ANKRD44: variants seen among roughly 807,000 people sequenced by gnomAD.
ANKRD44 encodes the protein serine/threonine-protein phosphatase 6 regulatory ankyrin repeat subunit B.
A neutral mutation model predicts 116.0 loss-of-function variants in ANKRD44; 35 were observed. That is an observed-to-expected ratio of 0.30 (90% CI 0.23 to 0.40). ANKRD44 has a LOEUF of 0.40. ANKRD44 is among the 10% of genes least tolerant of loss of function. The pLI is 1.00. For missense variants in ANKRD44, 1,014 were observed against 1,242.6 expected (o/e 0.82, Z 2.77); for synonymous variants, 435 against 461.8 (o/e 0.94, Z 0.74).
downstream of ANKRD44, among the ~76,000 whole-genome samples, chr2:196,982,981 A>T (rs1429021138): frequency 6.6e-6 from 1 of 152,138 alleles, no homozygotes; most frequent in African/African-American, 2.4e-5. Flanking sequence ...GAACAATGGG[A>T]ACACATGGAC....
intron 17 of ANKRD44, among the ~76,000 whole-genome samples, chr2:197,018,993 T>G (rs2076444320): frequency 6.6e-6 from 1 of 152,192 alleles, no homozygotes. Flanking sequence ...CTACTAAATC[T>G]CACGCTTTTA....
rs2125869368 is a variant in ANKRD44, at chr2:196,987,106, T to C, written c.*2485A>G. ...ATTTTTAGATCACATAAGAAACGCATAGAATTACATTTTATACAAACACTC... is the reference window on the plus strand; with the variant it reads ...ATTTTTAGATCACATAAGAAACGCACAGAATTACATTTTATACAAACACTC... On this transcript the variant is annotated 3_prime_UTR_variant, in exon 28 of 28. Transcript: ENST00000282272. 4 of 984,686 alleles carry C rather than the reference T, an allele frequency of 4.1e-6. No individual in the cohort carries two copies. The highest frequency in any genetic ancestry group is 3.6e-6 in the Non-Finnish European group (3 of 829,240). 61.0% of individuals were successfully genotyped at this position (984,686 alleles called of 1,614,324 possible).
At chr2:197,134,349 G>A (rs1257475796) in intron 4 of ANKRD44, 1 of 152,020 alleles carries the variant, frequency 6.6e-6, no homozygotes, top group African/African-American at 2.4e-5. Context: ...TTACAGTTCA[G>A]GGTTTGTTTG....
intron 16 of ANKRD44, among the ~76,000 whole-genome samples, chr2:197,050,625 A>G (rs1375901719): frequency 2.6e-5 from 4 of 151,762 alleles, no homozygotes; most frequent in African/African-American, 9.7e-5. Context: ...GTTTCATCAT[A>G]TTGTCCAGGC....
chr2:197,202,848 G>T (rs2125668038), intron 1 of ANKRD44, among the ~76,000 whole-genome samples: 1 of 151,804 alleles, frequency 6.6e-6, no homozygotes, highest in Admixed American at 6.6e-5. Flanking sequence ...AAAGTGCTGG[G>T]ATTACAGGTG....
At position 196,998,941 on chromosome 2, in the gene ANKRD44, C is replaced by A. The variant is rs775043932; in HGVS notation, c.2631G>T (p.Met877Ile). The A allele has an allele frequency of 1.9e-6, 3 of 1,614,230 alleles. No individual in the cohort carries two copies. The highest frequency in any genetic ancestry group is 4.5e-5 in the East Asian group (2 of 44,890). ...AVDNSGKTAL[M>I]MAAENGQAGA... ...CTGCCTGCCCATTCTCAGCAGCCAT[C>A]ATCAGTGCTGTTTTCCCTGAATTAT... The change falls in exon 24 of 28, where the codon ATG becomes ATT. Residue 877 changes from methionine (M) to isoleucine (I), a missense_variant. Physicochemically the swap from Met to Ile is conservative, Grantham distance 10. Transcript: ENST00000282272.
chr2:196,971,067 A>T (rs1312714949), intron 21 of ANKRD44, among the ~76,000 whole-genome samples: 2 of 151,712 alleles, frequency 1.3e-5, no homozygotes, highest in Admixed American at 6.6e-5. Context: ...ATGTTTGCAT[A>T]TTTTTTTTGC....
intron 21 of ANKRD44, among the ~76,000 whole-genome samples, chr2:196,979,382 C>CAAAAAAAA (rs778459937): frequency 2.5e-5 from 1 of 40,572 alleles, no homozygotes. Context: ...GACTCCGTCT[C>CAAAAAAAA]AAAAAAAAAA....
chr2:197,131,227 T>A (rs1392417656), intron 4 of ANKRD44, among the ~76,000 whole-genome samples: 1 of 150,914 alleles, frequency 6.6e-6, no homozygotes, highest in Non-Finnish European at 1.5e-5. Flanking sequence ...AGTCTCGCTC[T>A]GTCGCCCAGG....
intron 1 of ANKRD44, among the ~76,000 whole-genome samples, chr2:197,229,444 A>G (rs1308604172): frequency 6.6e-6 from 1 of 152,214 alleles, no homozygotes; most frequent in Non-Finnish European, 1.5e-5. Flanking sequence ...ATTTTCCCCA[A>G]AAGGAGTTAT....
At chr2:197,165,122 G>A (rs1396430068) in intron 2 of ANKRD44, among the ~76,000 whole-genome samples, 5 of 152,208 alleles carry the variant, frequency 3.3e-5, no homozygotes, top group Admixed American at 6.5e-5. Flanking sequence ...AAATGTTGCC[G>A]GTTAGGATTT....
intron 1 of ANKRD44, among the ~76,000 whole-genome samples, chr2:197,236,556 C>G (rs1217612577): frequency 2.6e-5 from 4 of 152,068 alleles, no homozygotes; most frequent in Admixed American, 2.0e-4. Flanking sequence ...GTCTATGGGG[C>G]CTACTAGTTG....
rs191085443 is a variant in ANKRD44, at chr2:197,121,548, C to T, written c.694-4G>A. On this transcript the variant is annotated splice_region_variant and splice_polypyrimidine_tract_variant and intron_variant, in intron 7 of 27. Transcript: ENST00000282272. ...CATAGACATTGATTTCATCAATCTGCAAAAGAGTCCAACACAGGGTGATTA... is the reference window on the plus strand; with the variant it reads ...CATAGACATTGATTTCATCAATCTGTAAAAGAGTCCAACACAGGGTGATTA... 10 of 1,612,566 alleles carry T rather than the reference C, an allele frequency of 6.2e-6. No individual in the cohort carries two copies. Among genetic ancestry groups the T allele is most frequent in the Non-Finnish European group, 7.6e-6 (9 of 1,178,922 alleles).
intron 17 of ANKRD44, among the ~76,000 whole-genome samples, chr2:197,022,437 T>C (rs1347267440): frequency 6.6e-6 from 1 of 152,192 alleles, no homozygotes. Context: ...ACCCTCCTAA[T>C]AGTTTCCTAT....
At chr2:196,993,475 AC>A in intron 27 of ANKRD44, 107 bp downstream of exon 27, 1 of 850,190 alleles carries the variant, frequency 1.2e-6, no homozygotes, top group Non-Finnish European at 1.9e-6. Context: ...TCCAAGGGGG[AC>A]AGAATTCTTA....
chr2:196,992,948 T>C (rs1478747639), intron 27 of ANKRD44: 1 of 152,606 alleles, frequency 6.6e-6, no homozygotes, highest in African/African-American at 2.4e-5. Flanking sequence ...GTGCTTAAAA[T>C]GGCAGTTTAG....
At position 197,005,938 on chromosome 2, in the gene ANKRD44, A is replaced by G; in HGVS notation, c.2131-28T>C. The G allele has an allele frequency of 1.9e-6, 3 of 1,608,970 alleles. No homozygotes were observed. The South Asian group carries it at 3.3e-5, about 18-fold the overall frequency. On this transcript the variant is annotated intron_variant, in intron 20 of 27. Transcript: ENST00000282272. ...GATGCATTGTAATTAAAAACACAAA[A>G]CAAACCTCAGAAGACTAAGGAAGCA...
intron 1 of ANKRD44, among the ~76,000 whole-genome samples, chr2:197,232,276 G>A (rs1048653235): frequency 7.2e-5 from 11 of 152,090 alleles, no homozygotes; most frequent in Non-Finnish European, 7.4e-5. Context: ...AACTCCATTT[G>A]ATCCGAGCCC....
At chr2:197,106,729 G>A (rs773640588) in intron 9 of ANKRD44, among the ~76,000 whole-genome samples, 1 of 151,382 alleles carries the variant, frequency 6.6e-6, no homozygotes, top group African/African-American at 2.4e-5. Context: ...GGCAAAGCTT[G>A]CAGTGAGCTG....
Sources: gnomAD v4.1 joint callset for allele counts (sites outside exome capture counted in the v4.1 genomes callset) on GRCh38, gnomAD v4.1.1 for gene constraint, MANE v1.5 for transcripts, NCBI Gene and HGNC (gene_info 2026-07-23, HGNC 2026-07-21) for gene names.